The following ATG4B variants were observed in gnomAD, a reference collection of about 807,000 sequenced individuals.
ATG4B encodes autophagy related 4B cysteine peptidase.
In ATG4B, 29 loss-of-function variants were observed where a neutral mutation model predicts 56.6. The observed-to-expected ratio is 0.51, with a 90% CI of 0.38 to 0.70. The LOEUF (loss-of-function observed/expected upper bound fraction) is 0.70, where lower values mean the gene tolerates loss of function less well. ATG4B is among the 30% of genes least tolerant of loss of function. The pLI, the probability that ATG4B is intolerant of heterozygous loss-of-function variation, is 0.00. For missense variants in ATG4B, 461 were observed against 515.5 expected (o/e 0.89, Z 1.02); for synonymous variants, 224 against 206.1 (o/e 1.09, Z -0.74).
chr2:241,656,288 ATCCCACGTCACCCGCG>A (rs1294175770), intron 6 of ATG4B, among the ~76,000 whole-genome samples: 3 of 151,904 alleles, frequency 2.0e-5, no homozygotes, highest in Non-Finnish European at 2.9e-5. Context: ...TCTCTGCCAC[ATCCCACGTCACCCGCG>A]TCCCACGTCA....
intron 7 of ATG4B, among the ~76,000 whole-genome samples, chr2:241,663,199 C>T (rs1410451332): frequency 6.6e-6 from 1 of 152,158 alleles, no homozygotes; most frequent in East Asian, 1.9e-4. Flanking sequence ...TGCCACTGCA[C>T]TCCAGCCTGT....
chr2:241,668,713 G>T lies in ATG4B; in HGVS notation c.957+28G>T. On this transcript the variant is annotated intron_variant, in intron 10 of 12. Transcript: ENST00000404914. This position sits in a 1 kb window ranked among gnomAD's most constrained non-coding sequence, Gnocchi z 4.2. ...ACGTGGCGGCCACCTGAGCACACAG[G>T]CATTTGGTGCTGAATGCTGTTTGGG... 1 of 1,551,344 alleles carries T rather than the reference G, an allele frequency of 6.4e-7. No homozygotes were observed. The highest frequency in any genetic ancestry group is 8.7e-7 in the Non-Finnish European group (1 of 1,151,846).
chr2:241,648,421 C>G (rs2068126601), intron 1 of ATG4B, among the ~76,000 whole-genome samples: 1 of 151,990 alleles, frequency 6.6e-6, no homozygotes, highest in Non-Finnish European at 1.5e-5. Context: ...ATGATTAGAC[C>G]TCATCTCTAC....
chr2:241,647,835 C>T (rs2068109607), intron 1 of ATG4B, among the ~76,000 whole-genome samples: 1 of 151,966 alleles, frequency 6.6e-6, no homozygotes, highest in Non-Finnish European at 1.5e-5. Context: ...AGGAGTGGGC[C>T]GGATGCTGTG....
intron 7 of ATG4B, among the ~76,000 whole-genome samples, chr2:241,662,357 A>G (rs766063178): frequency 2.0e-5 from 3 of 152,230 alleles, no homozygotes; most frequent in Non-Finnish European, 4.4e-5. Context: ...AATGTTTAGA[A>G]TTCTGAGAAA....
chr2:241,654,360 G>A (rs2068323851), intron 4 of ATG4B, among the ~76,000 whole-genome samples, 186 bp from the exon 5 acceptor site: 1 of 148,564 alleles, frequency 6.7e-6, no homozygotes. Flanking sequence ...GGTGGAGGTT[G>A]CAGTGAGCCG....
chr2:241,637,744 C>A lies in ATG4B; in HGVS notation c.10+20C>A. On this transcript the variant is annotated intron_variant, in intron 1 of 12. Coordinates refer to ENST00000404914, the MANE Select transcript of ATG4B (RefSeq NM_013325.5). ...ACGCAGGTGAGGAGTTGCCGGGGGTCGGTCTTTCCGCAGGAGGTGCTCGCC... is the reference window on the plus strand; with the variant it reads ...ACGCAGGTGAGGAGTTGCCGGGGGTAGGTCTTTCCGCAGGAGGTGCTCGCC... 1.3e-6 allele frequency: 2 copies of A among 1,571,292 alleles called. No homozygotes were observed. Among genetic ancestry groups the A allele is most frequent in the South Asian group, 1.1e-5 (1 of 87,042 alleles).
Position 241,672,383 on chromosome 2 carries a change from G to T in ATG4B, c.*119G>T. The T allele has an allele frequency of 2.2e-6, 2 of 919,136 alleles. No individual in the cohort carries two copies. The highest frequency in any genetic ancestry group is 3.1e-5 in the South Asian group (2 of 64,214). 56.9% of individuals were successfully genotyped at this position (919,136 alleles called of 1,614,324 possible). On this transcript the variant is annotated 3_prime_UTR_variant, in exon 13 of 13. Coordinates refer to ENST00000404914, the MANE Select transcript of ATG4B (RefSeq NM_013325.5). ...CGCCCCGTGCTGCCTCCCCCCAGAG[G>T]GCCACCCGCTGTGCTCGTGGACTGA...
At chr2:241,641,005 C>T (rs2067869727) in intron 1 of ATG4B, among the ~76,000 whole-genome samples, 1 of 152,202 alleles carries the variant, frequency 6.6e-6, no homozygotes, top group Non-Finnish European at 1.5e-5. Flanking sequence ...AACAGGCTTG[C>T]TCTGGCATCT....
intron 7 of ATG4B, among the ~76,000 whole-genome samples, chr2:241,661,793 G>T (rs1009106082): frequency 6.6e-6 from 1 of 151,680 alleles, no homozygotes; most frequent in Admixed American, 6.6e-5. Flanking sequence ...CCAGTCAAAG[G>T]CCAGCCAGGA....
rs1392919999 is a variant in ATG4B, at chr2:241,651,535, G to A, written c.184+200G>A. ...ACGGCGCCTGACTCTAGGCTAGTGTGTTTTCAACTGCAAATCCCAGCTTAT... is the reference window on the plus strand; with the variant it reads ...ACGGCGCCTGACTCTAGGCTAGTGTATTTTCAACTGCAAATCCCAGCTTAT... On this transcript the variant is annotated intron_variant, in intron 3 of 12. Transcript: ENST00000404914. This position sits in a 1 kb window ranked among gnomAD's most constrained non-coding sequence, Gnocchi z 4.1. Among the ~76,000 whole-genome samples, 2 of 152,200 alleles carry A rather than the reference G, an allele frequency of 1.3e-5. No individual in the cohort carries two copies. The highest frequency in any genetic ancestry group is 6.5e-5 in the Admixed American group (1 of 15,278).
At chr2:241,645,150 G>GC (rs1172805169) in intron 1 of ATG4B, among the ~76,000 whole-genome samples, 8 of 152,236 alleles carry the variant, frequency 5.3e-5, no homozygotes, top group East Asian at 1.9e-4. Context: ...CCTGCCGAGG[G>GC]CATTCCTTCC....
intron 1 of ATG4B, among the ~76,000 whole-genome samples, chr2:241,648,826 G>A (rs916933042): frequency 2.6e-5 from 4 of 152,160 alleles, no homozygotes; most frequent in African/African-American, 9.7e-5. Context: ...TGCCTGCACC[G>A]AGGGAGATGC....
At chr2:241,643,614 G>A (rs941416358) in intron 1 of ATG4B, among the ~76,000 whole-genome samples, 6 of 147,122 alleles carry the variant, frequency 4.1e-5, no homozygotes, top group South Asian at 2.1e-4. Context: ...ATATATATAC[G>A]TATATATACA....
At chr2:241,645,028 T>C (rs368752578) in intron 1 of ATG4B, among the ~76,000 whole-genome samples, 1 of 152,018 alleles carries the variant, frequency 6.6e-6, no homozygotes, top group African/African-American at 2.4e-5. Context: ...ATCTGGAAGG[T>C]CAGGGAGGTC....
chr2:241,669,000 C>T lies in ATG4B; in HGVS notation c.957+315C>T, dbSNP rs2068869492. 4 of 375,370 alleles carry T rather than the reference C, an allele frequency of 1.1e-5. No individual in the cohort carries two copies. Among genetic ancestry groups the T allele is most frequent in the Non-Finnish European group, 1.9e-5 (4 of 207,778 alleles). 23.3% of individuals were successfully genotyped at this position (375,370 alleles called of 1,614,324 possible). A position where few individuals can be genotyped will look rare whatever the true frequency, so the allele number is the denominator to read the frequency against. On this transcript the variant is annotated intron_variant, in intron 10 of 12. Transcript: ENST00000404914. This position sits in a 1 kb window ranked among gnomAD's most constrained non-coding sequence, Gnocchi z 4.2. Reference sequence around the variant, plus strand: ...TGTGAGCCATGGTGAGTGTGTCCCCCTCACACCTACATTTAAACACACGGG... The same window carrying T: ...TGTGAGCCATGGTGAGTGTGTCCCCTTCACACCTACATTTAAACACACGGG...
intron 1 of ATG4B, among the ~76,000 whole-genome samples, chr2:241,638,042 G>A (rs2067734261): frequency 6.6e-6 from 1 of 151,682 alleles, no homozygotes; most frequent in Non-Finnish European, 1.5e-5. Flanking sequence ...CGTGGAGGGC[G>A]GCGGAGCCTG....
Position 241,655,147 on chromosome 2 carries a change from C to T in ATG4B, c.386-124C>T, listed in dbSNP as rs1268671485. Reference sequence around the variant, plus strand: ...CCCCCGATCTTGTTGGGGCATCCTTCCGTCTGGAGGCTGGGTCGGGTGCTG... The same window carrying T: ...CCCCCGATCTTGTTGGGGCATCCTTTCGTCTGGAGGCTGGGTCGGGTGCTG... On this transcript the variant is annotated intron_variant, in intron 5 of 12. Coordinates refer to ENST00000404914, the MANE Select transcript of ATG4B (RefSeq NM_013325.5). 3.4e-6 allele frequency: 3 copies of T among 891,640 alleles called. No individual in the cohort carries two copies. In the Admixed American group the frequency reaches 6.6e-5, roughly 19 times the overall value. 55.2% of individuals were successfully genotyped at this position (891,640 alleles called of 1,614,324 possible).
chr2:241,643,295 C>G (rs549643118), intron 1 of ATG4B, among the ~76,000 whole-genome samples: 2 of 151,764 alleles, frequency 1.3e-5, no homozygotes, highest in African/African-American at 4.8e-5. Flanking sequence ...GCCTTGACCT[C>G]CTGGGCTCAA....
Sources: gnomAD v4.1 joint callset for allele counts (sites outside exome capture counted in the v4.1 genomes callset) on GRCh38, gnomAD v4.1.1 for gene constraint, Gnocchi (gnomAD v3.1) non-coding constraint, MANE v1.5 for transcripts, NCBI Gene and HGNC (gene_info 2026-07-23, HGNC 2026-07-21) for gene names.